Variants in WDR11 observed in about 807,000 individuals in gnomAD.
WDR11 encodes WD repeat-containing protein 11.
In WDR11, 83 loss-of-function variants were observed where a neutral mutation model predicts 151.2. That is an observed-to-expected ratio of 0.55 (90% CI 0.46 to 0.66). The LOEUF (loss-of-function observed/expected upper bound fraction) is 0.66, where lower values mean the gene tolerates loss of function less well. Ranked by LOEUF, WDR11 falls within the 30% of genes least tolerant of loss-of-function variation. The probability of loss-of-function intolerance (pLI) is 0.00; values close to 1 mark genes in which losing one functional copy is unlikely to be tolerated. For synonymous variants in WDR11, 484 were observed against 533.1 expected, an observed-to-expected ratio of 0.91 and a Z score of 1.27; for missense variants, 1,301 against 1,480.9, an observed-to-expected ratio of 0.88 and a Z score of 1.99.
At chr10:120,902,917 C>T in intron 22 of WDR11, 138 bp from the exon 23 acceptor site, 1 of 909,780 alleles carries the variant, frequency 1.1e-6, no homozygotes, top group Admixed American at 2.0e-5. Context: ...CTGCCTCCCC[C>T]TTTCACCCTG....
At position 120,873,845 on chromosome 10, in the gene WDR11, G is replaced by T; in HGVS notation, c.1478G>T (p.Ser493Ile). ...MYQPLLAVGT[S>I]NGSVLVYHLT... is the part of the protein sequence containing the mutation. ...CATGATGTCATTTTGAAAGGTACAA[G>T]TAATGGTTCTGTCCTGGTGTACCAT... Residue 493 changes from serine to isoleucine, a missense_variant, in exon 11 of 29, where the codon AGT becomes ATT. This residue lies in a region of WDR11 where 692 missense variants were observed against 762.5 expected (regional missense o/e 0.91). Coordinates refer to ENST00000263461, the MANE Select transcript of WDR11 (RefSeq NM_018117.12). 3.7e-6 allele frequency: 6 copies of T among 1,611,182 alleles called. No individual in the cohort carries two copies. Among genetic ancestry groups the T allele is most frequent in the Non-Finnish European group, 5.1e-6 (6 of 1,177,394 alleles).
At chr10:120,871,407 A>G (rs1846536011) in intron 10 of WDR11, 61 bp downstream of exon 10, 2 of 1,505,286 alleles carry the variant, frequency 1.3e-6, no homozygotes, top group South Asian at 1.2e-5. Flanking sequence ...TAGGTTTTCT[A>G]GTTTCTAGAA....
chr10:120,882,539 G>GTTTTTTTTTT (rs763773963), intron 13 of WDR11, among the ~76,000 whole-genome samples: 1 of 101,288 alleles, frequency 9.9e-6, no homozygotes, highest in African/African-American at 4.7e-5. Context: ...TACAAATTCA[G>GTTTTTTTTTT]TTTTGTTTTT....
chr10:120,856,073 T>G (rs1845934843), intron 2 of WDR11: 2 of 152,232 alleles, frequency 1.3e-5, no homozygotes, highest in Admixed American at 1.3e-4. Flanking sequence ...CTTTTATTTC[T>G]TTATGTAGGT....
chr10:120,875,978 C>CTTTTT (rs67775105), intron 11 of WDR11, among the ~76,000 whole-genome samples: 1 of 122,808 alleles, frequency 8.1e-6, no homozygotes, highest in Admixed American at 9.2e-5. Flanking sequence ...CCTTTTTTTT[C>CTTTTT]TTTTTTTTTT....
At chr10:120,904,214 T>A in intron 24 of WDR11, 72 bp downstream of exon 24, 1 of 1,135,166 alleles carries the variant, frequency 8.8e-7, no homozygotes, top group Non-Finnish European at 1.3e-6. Flanking sequence ...GCAATATATC[T>A]GTATGTATAT....
chr10:120,874,190 T>TTTG (rs1554854853), intron 11 of WDR11, among the ~76,000 whole-genome samples: 5,727 of 104,982 alleles, frequency 0.055, 245 homozygotes, highest in East Asian at 0.18. Context: ...TTTTTTTTTT[T>TTTG]TTGTTGTTGT....
chr10:120,904,554 G>C, intron 24 of WDR11, 92 bp from the exon 25 acceptor site: 1 of 1,474,414 alleles, frequency 6.8e-7, no homozygotes, highest in Non-Finnish European at 9.4e-7. Context: ...TTGAAAATGA[G>C]TGTTTTCCTT....
intron 23 of WDR11, 95 bp from the exon 24 acceptor site, chr10:120,903,952 A>C (rs950845823): frequency 1.1e-5 from 9 of 810,592 alleles, no homozygotes; most frequent in Non-Finnish European, 1.8e-5. Flanking sequence ...AAGTCAAAGT[A>C]GTTTATTAAA....
intron 19 of WDR11, among the ~76,000 whole-genome samples, chr10:120,896,327 T>C (rs1847613292): frequency 6.6e-6 from 1 of 152,122 alleles, no homozygotes. Context: ...AGTTAGAAGA[T>C]GTAGATGGAA....
chr10:120,851,560 G>C, intron 1 of WDR11, 54 bp downstream of exon 1: 1 of 1,575,008 alleles, frequency 6.3e-7, no homozygotes, highest in South Asian at 1.2e-5. Context: ...GTGTGAGGGG[G>C]AAGGGGGAAG....
In WDR11 at chr10:120,908,547, A is replaced by G. The variant is rs370380854; in HGVS notation, c.3518-9A>G. 26 of 1,613,902 alleles carry G rather than the reference A, an allele frequency of 1.6e-5. No individual in the cohort carries two copies. The highest frequency in any genetic ancestry group is 2.2e-5 in the South Asian group (2 of 91,080). ...CTTTTTACTCTTCTTTTCCTTAACT[A>G]TGGTTTACAGAAACTCATCACTGCT... On this transcript the variant is annotated splice_polypyrimidine_tract_variant and intron_variant, in intron 28 of 28. Transcript: ENST00000263461.
chr10:120,895,859 G>A (rs1321655800), intron 19 of WDR11, among the ~76,000 whole-genome samples: 1 of 152,172 alleles, frequency 6.6e-6, no homozygotes, highest in Non-Finnish European at 1.5e-5. Flanking sequence ...GAGGAAACAA[G>A]CACTCTCATC....
Position 120,904,065 on chromosome 10 carries a change from G to T in WDR11, c.2950G>T (p.Val984Phe). ...ATTCTAGAAATTTCAGCTAGAAAGG[G>T]TTAATCTGCAGGAAGTGAAACGGTC... Reference protein sequence around the residue: ...AYFQKFQLERVNLQEVKRSTY... With the variant: ...AYFQKFQLERFNLQEVKRSTY... Residue 984 changes from valine to phenylalanine, a missense_variant, in exon 24 of 29, where the codon GTT becomes TTT. Physicochemically the swap from Val to Phe is conservative, Grantham distance 50 (BLOSUM62 -1). Coordinates refer to ENST00000263461, the MANE Select transcript of WDR11 (RefSeq NM_018117.12). The T allele has an allele frequency of 1.2e-6, 2 of 1,612,216 alleles. No homozygotes were observed. The highest frequency in any genetic ancestry group is 8.5e-7 in the Non-Finnish European group (1 of 1,178,660).
At chr10:120,906,691 G>A (rs561174702) in intron 27 of WDR11, 85 bp from the exon 28 acceptor site, 1 of 1,611,056 alleles carries the variant, frequency 6.2e-7, no homozygotes. Context: ...GGGAAAATGT[G>A]TAAATGTCTT....
intron 19 of WDR11, among the ~76,000 whole-genome samples, chr10:120,892,479 A>C (rs1049127104): frequency 6.6e-6 from 1 of 152,238 alleles, no homozygotes. Context: ...ATGTGGAGTG[A>C]GGAAAAAGAC....
intron 28 of WDR11, chr10:120,907,149 A>G (rs950281743): frequency 2.6e-6 from 1 of 383,978 alleles, no homozygotes; most frequent in East Asian, 5.3e-5. Flanking sequence ...AGATGAAGGA[A>G]TGATTTGGGA....
rs1564730453 is a variant in WDR11 at position 120,909,393 on chromosome 10, G to C, written c.*680G>C. 1 of 152,810 alleles carries C rather than the reference G, an allele frequency of 6.5e-6. No individual in the cohort carries two copies. The highest frequency in any genetic ancestry group is 1.5e-5 in the Non-Finnish European group (1 of 68,188). The allele number at this position is 152,810 out of a possible 1,614,324, so 9.5% of individuals were successfully genotyped here. A position where few individuals can be genotyped will look rare whatever the true frequency, so the allele number is the denominator to read the frequency against. ...ACATCACAGTAACCTCATTTTTGAA[G>C]TCTTTCTTTGTACTTTAATGTTCTC... On this transcript the variant is annotated 3_prime_UTR_variant, in exon 29 of 29. Coordinates refer to ENST00000263461, the MANE Select transcript of WDR11 (RefSeq NM_018117.12).
chr10:120,858,830 T>C, intron 3 of WDR11, 34 bp downstream of exon 3: 1 of 1,612,774 alleles, frequency 6.2e-7, no homozygotes, highest in East Asian at 2.2e-5. Flanking sequence ...GTGTGTATAT[T>C]GATACACTTA....
Sources: allele counts gnomAD v4.1 joint callset (sites outside exome capture counted in the v4.1 genomes callset), GRCh38; gene constraint gnomAD v4.1.1; regional missense constraint gnomAD v4.1.1; transcripts MANE v1.5; gene names NCBI Gene and HGNC (gene_info 2026-07-23, HGNC 2026-07-21).